Variants in NAALADL2 observed in about 807,000 individuals in gnomAD.
NAALADL2 encodes the protein inactive N-acetylated-alpha-linked acidic dipeptidase-like protein 2.
NAALADL2 carries 76 observed loss-of-function variants against 87.2 expected under a neutral mutation model. The observed-to-expected ratio is 0.87, with a 90% confidence interval of 0.72 to 1.05. NAALADL2 has a LOEUF of 1.05. Ranked by LOEUF, NAALADL2 falls within the 50% of genes least tolerant of loss-of-function variation. The pLI, the probability that NAALADL2 is intolerant of heterozygous loss-of-function variation, is 0.00. For missense variants in NAALADL2, 1,089 were observed against 945.8 expected (o/e 1.15, Z -1.99); for synonymous variants, 354 against 331.0 (o/e 1.07, Z -0.75).
At chr3:174,912,588 C>T (rs1733846693) in intron 1 of NAALADL2, among the ~76,000 whole-genome samples, 1 of 152,110 alleles carries the variant, frequency 6.6e-6, no homozygotes, top group Admixed American at 6.6e-5. Flanking sequence ...GTCATATTTA[C>T]CCCTCCTTTT....
chr3:174,649,571 A>G (rs1459822716), intron 2 of NAALADL2, among the ~76,000 whole-genome samples: 2 of 152,134 alleles, frequency 1.3e-5, no homozygotes, highest in Non-Finnish European at 2.9e-5. Context: ...TTCTAAGACT[A>G]TGTATCAGAT....
chr3:175,671,936 A>G (rs1375573413), intron 11 of NAALADL2, among the ~76,000 whole-genome samples: 4 of 152,060 alleles, frequency 2.6e-5, no homozygotes, highest in African/African-American at 9.7e-5. Context: ...TTATAATGCA[A>G]AAATTTGTTC....
chr3:174,804,403 C>T (rs771550950), intron 3 of NAALADL2, among the ~76,000 whole-genome samples: 1 of 152,122 alleles, frequency 6.6e-6, no homozygotes, highest in African/African-American at 2.4e-5. Flanking sequence ...ACTATCATGT[C>T]GTCTGCAAAC....
At chr3:174,899,808 A>G (rs559180814) in intron 1 of NAALADL2, among the ~76,000 whole-genome samples, 2 of 152,286 alleles carry the variant, frequency 1.3e-5, no homozygotes, top group Admixed American at 1.3e-4. Flanking sequence ...TTACACGGCC[A>G]GAAAAGAACA....
At chr3:175,106,038 T>A (rs1723096821) in intron 2 of NAALADL2, among the ~76,000 whole-genome samples, 2 of 152,078 alleles carry the variant, frequency 1.3e-5, no homozygotes, top group African/African-American at 4.8e-5. Context: ...AGGTTTGCTT[T>A]CTTACTCTTA....
chr3:175,461,228 C>T (rs1211516032), intron 6 of NAALADL2, among the ~76,000 whole-genome samples: 2 of 151,588 alleles, frequency 1.3e-5, no homozygotes, highest in African/African-American at 4.9e-5. Context: ...CATTTACAAT[C>T]CTTTAGCTAG....
rs1156562659 is a variant in NAALADL2, at chr3:175,275,572, C to CATTACAGGCAGA, written c.939+19042_939+19043insATTACAGGCAGA. On this transcript the variant is annotated intron_variant, in intron 4 of 13. Coordinates refer to ENST00000454872, the MANE Select transcript of NAALADL2 (RefSeq NM_207015.3). Reference sequence around the variant, plus strand: ...CCATTTACAGGCAGATGGCAGTAAACTGTCTCCTTGTAACAAAATGACTGT... The same window carrying CATTACAGGCAGA: ...CCATTTACAGGCAGATGGCAGTAAACATTACAGGCAGATGTCTCCTTGTAACAAAATGACTGT... Among the ~76,000 whole-genome samples, 527 of 152,178 alleles carry CATTACAGGCAGA rather than the reference C, an allele frequency of 3.5e-3. 1 individual carries two copies. The highest frequency in any genetic ancestry group is 0.012 in the African/African-American group (495 of 41,524).
intron 1 of NAALADL2, among the ~76,000 whole-genome samples, chr3:174,483,864 G>A (rs913167143): frequency 6.6e-6 from 1 of 151,944 alleles, no homozygotes. Flanking sequence ...AAGCCCAGGT[G>A]TAGTAGTATA....
intron 3 of NAALADL2, among the ~76,000 whole-genome samples, chr3:174,809,563 G>C (rs1157009709): frequency 1.3e-5 from 2 of 151,854 alleles, no homozygotes; most frequent in African/African-American, 4.8e-5. Context: ...CTAATAACTT[G>C]GTTTATACAA....
chr3:174,838,557 G>A lies in NAALADL2; in HGVS notation c.-9+100811G>A, dbSNP rs577671900. ...TCAGTAAAGAGGAAGTCAAACTGTC[G>A]CTGTCTGCTGATAATATGATTGTTT... On this transcript the variant is annotated intron_variant, in intron 3 of 3. Coordinates refer to the NAALADL2 transcript ENST00000434257. Among the ~76,000 whole-genome samples, 144 of 152,156 alleles carry A rather than the reference G, an allele frequency of 9.5e-4. 1 individual carries two copies. Among genetic ancestry groups the A allele is most frequent in the African/African-American group, 2.7e-3 (113 of 41,486 alleles).
At chr3:175,382,180 G>T (rs1767863714) in intron 5 of NAALADL2, among the ~76,000 whole-genome samples, 1 of 152,086 alleles carries the variant, frequency 6.6e-6, no homozygotes, top group Admixed American at 6.6e-5. Context: ...ATGGTTCAAG[G>T]AAAGAGTCCT....
At chr3:175,434,384 C>A (rs1718274922) in intron 5 of NAALADL2, among the ~76,000 whole-genome samples, 1 of 151,990 alleles carries the variant, frequency 6.6e-6, no homozygotes, top group South Asian at 2.1e-4. Flanking sequence ...GTCTTCTTTT[C>A]TTGTGTCAAT....
chr3:175,755,387 C>G lies in NAALADL2; in HGVS notation c.2158C>G (p.Leu720Val). The change falls in exon 13 of 14, where the codon CTG becomes GTG. Residue 720 changes from leucine (L) to valine (V), a missense_variant. Leu to Val is a conservative substitution (Grantham distance 32). Transcript: ENST00000454872. ...DILQDMEKSF[L>V]VKQAPPGFYR... Reference sequence around the variant, plus strand: ...TCTCCAAGACATGGAGAAAAGCTTTCTGGTAAAGCAGGCACCACCAGGTTT... The same window carrying G: ...TCTCCAAGACATGGAGAAAAGCTTTGTGGTAAAGCAGGCACCACCAGGTTT... 1 of 1,605,482 alleles carries G rather than the reference C, an allele frequency of 6.2e-7. No homozygotes were observed. The highest frequency in any genetic ancestry group is 1.1e-5 in the South Asian group (1 of 89,702).
intron 5 of NAALADL2, among the ~76,000 whole-genome samples, chr3:175,338,622 A>AACAC (rs202022603): frequency 0.016 from 1,455 of 88,436 alleles, 44 homozygotes; most frequent in Non-Finnish European, 0.02. Context: ...AAACACCACA[A>AACAC]ACACACACAC....
At chr3:175,739,312 C>T (rs1371369674) in intron 12 of NAALADL2, among the ~76,000 whole-genome samples, 1 of 152,088 alleles carries the variant, frequency 6.6e-6, no homozygotes, top group East Asian at 1.9e-4. Context: ...GGTTGTCAGG[C>T]CAATGTGTGA....
At chr3:175,381,667 C>T (rs1020342433) in intron 5 of NAALADL2, among the ~76,000 whole-genome samples, 7 of 152,018 alleles carry the variant, frequency 4.6e-5, no homozygotes, top group African/African-American at 1.7e-4. Flanking sequence ...TAAATAAGAA[C>T]TCACAAAAAA....
chr3:175,022,537 T>C (rs1315957451), intron 1 of NAALADL2, among the ~76,000 whole-genome samples: 5 of 152,070 alleles, frequency 3.3e-5, no homozygotes, highest in Non-Finnish European at 2.9e-5. Flanking sequence ...TTAGAGAGAA[T>C]GGTACAATTA....
chr3:174,849,453 T>C (rs112053713), intron 3 of NAALADL2, among the ~76,000 whole-genome samples: 2,973 of 152,150 alleles, frequency 0.02, 103 homozygotes, highest in African/African-American at 0.069. Context: ...AAAATGAAGA[T>C]GCACTGGGCA....
chr3:175,619,485 A>AC (rs397790330), intron 10 of NAALADL2, among the ~76,000 whole-genome samples: 20 of 151,206 alleles, frequency 1.3e-4, no homozygotes, highest in East Asian at 5.9e-4. Context: ...AAAAAAAAAA[A>AC]CAACTTAAAT....
Sources: allele counts gnomAD v4.1 joint callset (sites outside exome capture counted in the v4.1 genomes callset), GRCh38; gene constraint gnomAD v4.1.1; transcripts MANE v1.5; gene names NCBI Gene and HGNC (gene_info 2026-07-23, HGNC 2026-07-21).